The following ABTB2 variants were observed in gnomAD, a reference collection of about 807,000 sequenced individuals.
ABTB2 encodes ankyrin repeat and BTB domain containing 2.
Under a neutral mutation model 104.1 loss-of-function variants are expected in ABTB2, and 56 were observed. That is an observed-to-expected ratio of 0.54 (90% CI 0.43 to 0.67). ABTB2 has a LOEUF of 0.67. Among genes scored for constraint, ABTB2 ranks in the 30% least tolerant of loss-of-function variants. ABTB2 has a pLI of 0.00. For synonymous variants in ABTB2, 606 were observed against 608.2 expected (o/e 1.00, Z 0.05); for missense variants, 1,279 against 1,407.7 (o/e 0.91, Z 1.46).
At chr11:34,224,136 T>C (rs1590221637) in intron 1 of ABTB2, among the ~76,000 whole-genome samples, 2 of 152,278 alleles carry the variant, frequency 1.3e-5, no homozygotes, top group Middle Eastern at 3.4e-3. Context: ...CTCAGCATCC[T>C]GAGTAGCTGA....
At chr11:34,166,228 A>C (rs1011442101) in intron 7 of ABTB2, among the ~76,000 whole-genome samples, 1 of 152,224 alleles carries the variant, frequency 6.6e-6, no homozygotes, top group African/African-American at 2.4e-5. Flanking sequence ...TCCCCTGGAT[A>C]CCAGGAGTGG....
intron 1 of ABTB2, among the ~76,000 whole-genome samples, chr11:34,236,702 G>C (rs1169880361): frequency 6.6e-6 from 1 of 152,234 alleles, no homozygotes; most frequent in African/African-American, 2.4e-5. Flanking sequence ...CTGTTAGCCA[G>C]GCCAGGAGGG....
At chr11:34,196,635 T>C (rs775180357) in intron 3 of ABTB2, among the ~76,000 whole-genome samples, 7 of 152,226 alleles carry the variant, frequency 4.6e-5, no homozygotes, top group Non-Finnish European at 7.3e-5. Context: ...TTGGGTTCTG[T>C]TGTGCAGTAT....
Position 34,171,016 on chromosome 11 carries a change from T to C in ABTB2, c.1453A>G (p.Lys485Glu). The C allele has an allele frequency of 6.2e-7, 1 of 1,614,182 alleles. No individual in the cohort carries two copies. Among genetic ancestry groups the C allele is most frequent in the Non-Finnish European group, 8.5e-7 (1 of 1,180,042 alleles). ...CGGAAACCCAGGTCCTGGTTGAATT[T>C]TTCAGTAGCTGCTCGGGCATCCAGC... ...RRLDARAATE[K>E]FNQDLGFRML... is the part of the protein sequence containing the mutation. The change falls in exon 5 of 17, where the codon AAA becomes GAA. Residue 485 changes from lysine to glutamate, a missense_variant. By Grantham distance (56) the Lys-to-Glu change is moderately conservative. Transcript: ENST00000435224.
intron 1 of ABTB2, among the ~76,000 whole-genome samples, chr11:34,277,268 T>C (rs916548674): frequency 6.6e-6 from 1 of 152,196 alleles, no homozygotes; most frequent in African/African-American, 2.4e-5. Flanking sequence ...TAGGGTCTCA[T>C]AAAGAACATC....
At chr11:34,239,128 G>A (rs543383980) in intron 1 of ABTB2, among the ~76,000 whole-genome samples, 2 of 152,236 alleles carry the variant, frequency 1.3e-5, no homozygotes, top group East Asian at 3.9e-4. Context: ...GACTGTCTGG[G>A]ACCCAGGAGG....
At chr11:34,303,602 C>T (rs559814206) in intron 1 of ABTB2, among the ~76,000 whole-genome samples, 1 of 148,494 alleles carries the variant, frequency 6.7e-6, no homozygotes, top group South Asian at 2.1e-4. Context: ...AATGCTTATA[C>T]AGCTGTCCCC....
chr11:34,222,341 T>C (rs1853634942), intron 1 of ABTB2, among the ~76,000 whole-genome samples: 1 of 152,160 alleles, frequency 6.6e-6, no homozygotes, highest in Non-Finnish European at 1.5e-5. Context: ...CAGAGAGGTA[T>C]AGTGAGGCAT....
intron 2 of ABTB2, among the ~76,000 whole-genome samples, chr11:34,199,104 T>C (rs983191987): frequency 3.3e-5 from 5 of 152,246 alleles, no homozygotes; most frequent in Admixed American, 6.5e-5. Context: ...TCAGCAGATA[T>C]TTGGAGAATG....
intron 1 of ABTB2, among the ~76,000 whole-genome samples, chr11:34,227,726 T>C (rs547325310): frequency 3.9e-5 from 6 of 152,158 alleles, no homozygotes; most frequent in Admixed American, 2.0e-4. Flanking sequence ...TTGTAACTTT[T>C]TTTTTCTTCT....
intron 1 of ABTB2, among the ~76,000 whole-genome samples, chr11:34,348,448 G>T (rs993358500): frequency 3.3e-5 from 5 of 152,124 alleles, no homozygotes; most frequent in Admixed American, 2.6e-4. Context: ...AGGAGAACTT[G>T]CTGTTCTCCA....
At position 34,173,310 on chromosome 11, in the gene ABTB2, G is replaced by C. The variant is rs1468284396; in HGVS notation, c.1245-3C>G. On this transcript the variant is annotated splice_polypyrimidine_tract_variant and splice_region_variant and intron_variant, in intron 3 of 16. Coordinates refer to ENST00000435224, the MANE Select transcript of ABTB2 (RefSeq NM_145804.3). ...GGGGCGGCAGCAGCATGAAGGGCCT[G>C]TGGGGCAGCAGAGAGAGGGTCAGGC... The C allele has an allele frequency of 6.3e-7, 1 of 1,589,266 alleles. No homozygotes were observed. The highest frequency in any genetic ancestry group is 8.6e-7 in the Non-Finnish European group (1 of 1,167,420).
intron 1 of ABTB2, among the ~76,000 whole-genome samples, chr11:34,251,643 C>T (rs1481869130): frequency 6.6e-6 from 1 of 152,132 alleles, no homozygotes; most frequent in Non-Finnish European, 1.5e-5. Context: ...TTGTGTAAGA[C>T]TCCTGAACTT....
At chr11:34,301,339 G>A (rs904165726) in intron 1 of ABTB2, among the ~76,000 whole-genome samples, 2 of 152,062 alleles carry the variant, frequency 1.3e-5, no homozygotes, top group African/African-American at 2.4e-5. Flanking sequence ...TCAGGTCCTG[G>A]GATAGCAGAT....
At chr11:34,279,076 G>C (rs1361801313) in intron 1 of ABTB2, among the ~76,000 whole-genome samples, 1 of 152,200 alleles carries the variant, frequency 6.6e-6, no homozygotes, top group African/African-American at 2.4e-5. Flanking sequence ...AGGGTTCTCA[G>C]TCACTGGGGA....
chr11:34,344,454 A>G (rs1855304465), intron 1 of ABTB2, among the ~76,000 whole-genome samples: 1 of 152,184 alleles, frequency 6.6e-6, no homozygotes, highest in Admixed American at 6.5e-5. Context: ...AATCCATCAT[A>G]TGACTAATGA....
rs1854071579 is a variant in ABTB2, at chr11:34,252,813, AGAG to A, written c.884-48126_884-48124del. On this transcript the variant is annotated intron_variant, in intron 1 of 16. Transcript: ENST00000435224. The surrounding 1 kb of genome is among the most constrained non-coding windows in gnomAD (Gnocchi z 5.5). The stretch of plus-strand genomic sequence containing the variant: ...GGCCAACTGGACTCCCAGCTGGGCC[AGAG>A]GAGGCTGGGGGACCTCCTGGGAGCT... Among the ~76,000 whole-genome samples, 1 of 151,724 alleles carries A rather than the reference AGAG, an allele frequency of 6.6e-6. No individual in the cohort carries two copies. The highest frequency in any genetic ancestry group is 2.4e-5 in the African/African-American group (1 of 41,260).
At chr11:34,280,981 G>C (rs1472762049) in intron 1 of ABTB2, among the ~76,000 whole-genome samples, 1 of 152,208 alleles carries the variant, frequency 6.6e-6, no homozygotes, top group African/African-American at 2.4e-5. Flanking sequence ...GAGCAAAGCA[G>C]GGGAGGTTGT....
chr11:34,255,968 G>A (rs117344285), intron 1 of ABTB2, among the ~76,000 whole-genome samples: 1,893 of 152,232 alleles, frequency 0.012, 20 homozygotes, highest in Non-Finnish European at 0.021. Flanking sequence ...TTCCTTTCGG[G>A]CATCACTACC....
Sources: allele counts gnomAD v4.1 joint callset (sites outside exome capture counted in the v4.1 genomes callset), GRCh38; gene constraint gnomAD v4.1.1; non-coding constraint Gnocchi (gnomAD v3.1); transcripts MANE v1.5; gene names NCBI Gene and HGNC (gene_info 2026-07-23, HGNC 2026-07-21).